UBE2D3: variants seen among roughly 807,000 people sequenced by gnomAD.
The protein encoded by UBE2D3 is ubiquitin-conjugating enzyme E2 D3.
A neutral mutation model predicts 22.8 loss-of-function variants in UBE2D3; 2 were observed. That is an observed-to-expected ratio of 0.09 (90% CI 0.04 to 0.28). UBE2D3 has a LOEUF of 0.28. UBE2D3 is among the 10% of genes least tolerant of loss of function. The pLI is 1.00. For missense variants in UBE2D3, 27 were observed against 182.5 expected, an observed-to-expected ratio of 0.15 and a Z score of 4.91; for synonymous variants, 56 against 60.4, an observed-to-expected ratio of 0.93 and a Z score of 0.34.
At chr4:102,821,858 TA>T (rs1451992948) in intron 2 of UBE2D3, among the ~76,000 whole-genome samples, 1 of 152,194 alleles carries the variant, frequency 6.6e-6, no homozygotes, top group African/African-American at 2.4e-5. Context: ...CCCAACAATA[TA>T]TAATATTCAG....
chr4:102,847,377 CCAGGTT>C (rs1383208999), intron 1 of UBE2D3, among the ~76,000 whole-genome samples: 1 of 152,064 alleles, frequency 6.6e-6, no homozygotes, highest in Non-Finnish European at 1.5e-5. Flanking sequence ...CCTCCACCTC[CCAGGTT>C]CAAGCGATTC....
chr4:102,814,272 A>T (rs1483967199), intron 2 of UBE2D3, among the ~76,000 whole-genome samples: 3 of 148,404 alleles, frequency 2.0e-5, no homozygotes, highest in African/African-American at 7.6e-5. Flanking sequence ...TTGCAACTTA[A>T]ATTATCCACT....
At chr4:102,807,167 T>C (rs1727194492) in intron 4 of UBE2D3, among the ~76,000 whole-genome samples, 1 of 152,174 alleles carries the variant, frequency 6.6e-6, no homozygotes. Flanking sequence ...TTGTTAACTG[T>C]CCAGTTCTCC....
intron 7 of UBE2D3, among the ~76,000 whole-genome samples, chr4:102,798,297 T>TATATATATATATATATATATATATGC (rs1481588683): frequency 8.2e-5 from 12 of 146,670 alleles, no homozygotes; most frequent in African/African-American, 2.6e-4. Flanking sequence ...TATATATATA[T>TATATATATATATATATATATATATGC]GCACAGGAGA....
chr4:102,829,613 G>A (rs1731000653), upstream of UBE2D3, among the ~76,000 whole-genome samples: 1 of 152,172 alleles, frequency 6.6e-6, no homozygotes, highest in African/African-American at 2.4e-5. Context: ...AGTTATTAAA[G>A]TAACCAGTCA....
chr4:102,837,985 C>T (rs1291962970), intron 1 of UBE2D3, among the ~76,000 whole-genome samples: 1 of 150,470 alleles, frequency 6.6e-6, no homozygotes, highest in Non-Finnish European at 1.5e-5. Flanking sequence ...CTAAAATTTT[C>T]TAAAATAGCT....
intron 5 of UBE2D3, 79 bp downstream of exon 5, chr4:102,802,482 C>T: frequency 8.2e-7 from 1 of 1,217,910 alleles, no homozygotes; most frequent in South Asian, 1.5e-5. Flanking sequence ...CTACACAGAA[C>T]CCTATCTTCC....
At chr4:102,826,370 G>A (rs1405313366) in intron 2 of UBE2D3, 115 bp downstream of exon 2, 4 of 1,310,838 alleles carry the variant, frequency 3.1e-6, no homozygotes, top group African/African-American at 1.5e-5. Flanking sequence ...CCCCATGGAA[G>A]AAGTGATCCA....
Position 102,822,770 on chromosome 4 carries a change from C to CTAAAAAAACAAAAAAATTAGCCTCTAT in UBE2D3, c.24+3714_24+3715insATAGAGGCTAATTTTTTTGTTTTTTTA, listed in dbSNP as rs1729826541. Among the ~76,000 whole-genome samples, 8 of 152,318 alleles carry CTAAAAAAACAAAAAAATTAGCCTCTAT rather than the reference C, an allele frequency of 5.3e-5. No individual in the cohort carries two copies. The South Asian group carries it at 1.2e-3, about 24-fold the overall frequency. On this transcript the variant is annotated intron_variant, in intron 2 of 7. Transcript: ENST00000453744. ...TTAACACGGTGAAACCCTGCCTCTA[C>CTAAAAAAACAAAAAAATTAGCCTCTAT]TAAAAAAACAAAAAAATTAGCCGGG... is the stretch of plus-strand genomic sequence containing the variant.
intron 1 of UBE2D3, among the ~76,000 whole-genome samples, chr4:102,860,837 G>A (rs185413185): frequency 1.3e-5 from 2 of 152,036 alleles, no homozygotes; most frequent in East Asian, 1.9e-4. Context: ...GTGGGTGGGT[G>A]CATGGAGTGC....
intron 2 of UBE2D3, among the ~76,000 whole-genome samples, chr4:102,814,457 C>CTTTTTTTTTTTTTTTT (rs574701413): frequency 8.4e-6 from 1 of 119,140 alleles, no homozygotes. Flanking sequence ...CCTGGCTATT[C>CTTTTTTTTTTTTTTTT]TTTTTTTTTT....
chr4:102,857,884 G>C (rs1397295442), intron 1 of UBE2D3, among the ~76,000 whole-genome samples: 1 of 151,848 alleles, frequency 6.6e-6, no homozygotes, highest in Non-Finnish European at 1.5e-5. Context: ...AGTAGAGACA[G>C]GGTTTCACCA....
At chr4:102,811,738 G>A in intron 2 of UBE2D3, 1 of 435,974 alleles carries the variant, frequency 2.3e-6, no homozygotes, top group Non-Finnish European at 4.5e-6. Context: ...GTACTAGAAA[G>A]CAAAAGAAAG....
At chr4:102,813,815 G>T (rs1280349383) in intron 2 of UBE2D3, among the ~76,000 whole-genome samples, 1 of 152,016 alleles carries the variant, frequency 6.6e-6, no homozygotes, top group Non-Finnish European at 1.5e-5. Flanking sequence ...AAAATTAAGA[G>T]GCAAATATTT....
chr4:102,827,965 T>C, upstream of UBE2D3: 2 of 985,488 alleles, frequency 2.0e-6, no homozygotes, highest in Middle Eastern at 5.2e-4. Context: ...GAGACGACTC[T>C]CGCGAGAACT....
intron 1 of UBE2D3, among the ~76,000 whole-genome samples, chr4:102,839,947 C>T (rs909393914): frequency 1.3e-5 from 2 of 152,148 alleles, no homozygotes; most frequent in Admixed American, 1.3e-4. Flanking sequence ...ACAAAAATAA[C>T]CCCATTAAAA....
At chr4:102,847,058 G>A (rs1250975749) in intron 1 of UBE2D3, among the ~76,000 whole-genome samples, 1 of 152,120 alleles carries the variant, frequency 6.6e-6, no homozygotes, top group Non-Finnish European at 1.5e-5. Flanking sequence ...GAGATTTAGG[G>A]GAAGATTGAT....
At chr4:102,797,599 A>G in intron 7 of UBE2D3, 139 bp from the exon 8 acceptor site, 1 of 543,612 alleles carries the variant, frequency 1.8e-6, no homozygotes, top group Non-Finnish European at 3.0e-6. Flanking sequence ...ATAAAAGCCA[A>G]CAAGGGAGAA....
In UBE2D3 at chr4:102,852,508, T is replaced by A. The variant is rs753825192; in HGVS notation, c.-129+16207A>T. Reference sequence around the variant, plus strand: ...TCTATAGGTATTGGTGTATTTTGTTTTACAGATTGAGATCCTGCACTTTTC... The same window carrying A: ...TCTATAGGTATTGGTGTATTTTGTTATACAGATTGAGATCCTGCACTTTTC... On this transcript the variant is annotated intron_variant, in intron 1 of 7. Transcript: ENST00000338145. 6.6e-5 allele frequency among the ~76,000 whole-genome samples: 10 copies of A among 152,348 alleles called. No homozygotes were observed. In the South Asian group the frequency reaches 2.1e-3, roughly 32 times the overall value.
Sources: gnomAD v4.1 joint callset for allele counts (sites outside exome capture counted in the v4.1 genomes callset) on GRCh38, gnomAD v4.1.1 for gene constraint, MANE v1.5 for transcripts, NCBI Gene and HGNC (gene_info 2026-07-23, HGNC 2026-07-21) for gene names.